Variants in PTGER3 observed in about 807,000 individuals in gnomAD.
PTGER3 encodes the protein prostaglandin E receptor 3.
A neutral mutation model predicts 34.7 loss-of-function variants in PTGER3; 22 were observed. The ratio of observed to expected loss-of-function variants is 0.63; its 90% CI spans 0.45 to 0.91. The LOEUF is 0.91. PTGER3 is among the 40% of genes least tolerant of loss of function. PTGER3 has a pLI of 0.00. For missense variants in PTGER3, 468 were observed against 519.4 expected (o/e 0.90, Z 0.96); for synonymous variants, 241 against 230.1 (o/e 1.05, Z -0.43).
rs144179258 is a variant in PTGER3, at chr1:70,945,964, C to T, written c.*23+7799G>A. Among the ~76,000 whole-genome samples, 371 of 152,158 alleles carry T rather than the reference C, an allele frequency of 2.4e-3. 1 individual carries two copies. Among genetic ancestry groups the T allele is most frequent in the African/African-American group, 8.5e-3 (351 of 41,528 alleles). On this transcript the variant is annotated intron_variant, in intron 4 of 4. Transcript: ENST00000370931. Reference sequence around the variant, plus strand: ...TGCAAAGTTAAATATTTTAAGTGCACAGCTAACATTGGAAAGGGCCTTATG... The same window carrying T: ...TGCAAAGTTAAATATTTTAAGTGCATAGCTAACATTGGAAAGGGCCTTATG...
chr1:71,009,984 T>C, intron 2 of PTGER3: 1 of 985,226 alleles, frequency 1.0e-6, no homozygotes, highest in South Asian at 4.7e-5. Flanking sequence ...GCCTAGATAA[T>C]AAAACTCATA....
intron 4 of PTGER3, chr1:70,884,034 C>A (rs906989404): frequency 5.2e-6 from 2 of 381,624 alleles, no homozygotes; most frequent in African/African-American, 2.2e-5. Flanking sequence ...TTGCAGTGAG[C>A]GGAAATCACT....
At chr1:70,998,789 A>G (rs1205241950) in intron 2 of PTGER3, among the ~76,000 whole-genome samples, 1 of 152,218 alleles carries the variant, frequency 6.6e-6, no homozygotes, top group African/African-American at 2.4e-5. Flanking sequence ...TCAGAAATAA[A>G]TTACTGTTTT....
At chr1:70,900,310 TG>T (rs1316739963) in intron 4 of PTGER3, among the ~76,000 whole-genome samples, 1 of 151,990 alleles carries the variant, frequency 6.6e-6, no homozygotes, top group East Asian at 1.9e-4. Flanking sequence ...TTGTTGGAGT[TG>T]GGGGGAAGGG....
chr1:70,972,153 C>T (rs966528667), intron 3 of PTGER3, among the ~76,000 whole-genome samples: 1 of 151,948 alleles, frequency 6.6e-6, no homozygotes, highest in Non-Finnish European at 1.5e-5. Context: ...TGGTGAAACC[C>T]CATCTCTACT....
At chr1:70,935,898 GA>G (rs1355598256) in intron 4 of PTGER3, among the ~76,000 whole-genome samples, 1 of 151,870 alleles carries the variant, frequency 6.6e-6, no homozygotes, top group African/African-American at 2.4e-5. Context: ...AGTAAGCTGG[GA>G]AAAGGGAATA....
intron 4 of PTGER3, among the ~76,000 whole-genome samples, chr1:70,923,829 T>A (rs533877778): frequency 1.3e-5 from 2 of 152,356 alleles, no homozygotes; most frequent in African/African-American, 4.8e-5. Flanking sequence ...ATTCTTAATT[T>A]ATGGCAACAT....
chr1:70,953,056 TTAAC>T lies in PTGER3; in HGVS notation c.1105-1_1107del, dbSNP rs1172073584. 1.3e-6 allele frequency: 2 copies of T among 1,592,784 alleles called. No homozygotes were observed. The highest frequency in any genetic ancestry group is 1.7e-5 in the Admixed American group (1 of 57,480). On this transcript the variant is annotated splice_acceptor_variant and coding_sequence_variant, in exon 4 of 4. Coordinates refer to the PTGER3 transcript ENST00000356595. LOFTEE classifies it high-confidence loss of function. Reference sequence around the variant, plus strand: ...ATCTGAGAGTTCTGCAAACTGCAGATTAACTAACCACAGATCAAAATATTGAGAA... The same window carrying T: ...ATCTGAGAGTTCTGCAAACTGCAGATTAACCACAGATCAAAATATTGAGAA...
intron 1 of PTGER3, among the ~76,000 whole-genome samples, chr1:71,026,628 T>C (rs1658949790): frequency 1.3e-5 from 2 of 151,154 alleles, no homozygotes; most frequent in African/African-American, 4.8e-5. Context: ...TTATTTGGAT[T>C]AATACTATAT....
chr1:70,969,032 C>T (rs1456191476), downstream of PTGER3, among the ~76,000 whole-genome samples: 2 of 151,962 alleles, frequency 1.3e-5, no homozygotes, highest in Non-Finnish European at 2.9e-5. Flanking sequence ...CATGGTGAAA[C>T]TCCGTCTCTA....
intron 2 of PTGER3, among the ~76,000 whole-genome samples, chr1:70,976,320 C>G (rs1653696196): frequency 6.6e-6 from 1 of 151,952 alleles, no homozygotes; most frequent in African/African-American, 2.4e-5. Context: ...AAGAGTGAAC[C>G]CTAATGTAAA....
chr1:70,985,155 C>T (rs574556394), intron 2 of PTGER3, among the ~76,000 whole-genome samples: 8 of 152,246 alleles, frequency 5.3e-5, no homozygotes, highest in South Asian at 4.1e-4. Flanking sequence ...TTCTCCATTA[C>T]GATGGCCTCA....
In PTGER3 at chr1:70,928,149, ATAGACATATATATT is replaced by A. The variant is rs1648304731; in HGVS notation, c.*23+25600_*23+25613del. On this transcript the variant is annotated intron_variant, in intron 4 of 4. Coordinates refer to the PTGER3 transcript ENST00000370931. Reference sequence around the variant, plus strand: ...TATATATATTTATATATATATATTTATAGACATATATATTTTTATAGACATATATATTTATAGAC... The same window carrying A: ...TATATATATTTATATATATATATTTATTTATAGACATATATATTTATAGAC... 4.2e-5 allele frequency among the ~76,000 whole-genome samples: 6 copies of A among 141,652 alleles called. No homozygotes were observed. In the East Asian group the frequency reaches 6.1e-4, roughly 14 times the overall value. 92.9% of individuals were successfully genotyped at this position (141,652 alleles called of 152,430 possible).
At chr1:70,993,408 C>T (rs1256106782) in intron 2 of PTGER3, among the ~76,000 whole-genome samples, 1 of 152,178 alleles carries the variant, frequency 6.6e-6, no homozygotes, top group East Asian at 1.9e-4. Context: ...AGGAATCATG[C>T]TATACTCATT....
rs1649800906 is a variant in PTGER3 at position 70,941,963 on chromosome 1, A to AT, written c.*23+11799dup. 2.0e-5 allele frequency among the ~76,000 whole-genome samples: 3 copies of AT among 152,262 alleles called. No homozygotes were observed. In the South Asian group the frequency reaches 6.2e-4, roughly 32 times the overall value. On this transcript the variant is annotated intron_variant, in intron 4 of 4. Coordinates refer to the PTGER3 transcript ENST00000370931. Reference sequence around the variant, plus strand: ...TTTATAAGAACCCAAACTCCTTACTATGACTTACAAGACTGTGATGACGAC... The same window carrying AT: ...TTTATAAGAACCCAAACTCCTTACTATTGACTTACAAGACTGTGATGACGAC...
chr1:70,856,750 C>A (rs1645815426), intron 4 of PTGER3, among the ~76,000 whole-genome samples: 1 of 151,872 alleles, frequency 6.6e-6, no homozygotes, highest in African/African-American at 2.4e-5. Context: ...TCTTGGGTAC[C>A]CTTCACTCAC....
intron 2 of PTGER3, among the ~76,000 whole-genome samples, chr1:70,956,040 C>T (rs1484283911): frequency 6.6e-6 from 1 of 152,136 alleles, no homozygotes. Context: ...GTTTGGGCAG[C>T]TATCTCCACC....
At chr1:70,910,810 C>T (rs1255945832) in intron 4 of PTGER3, among the ~76,000 whole-genome samples, 1 of 152,166 alleles carries the variant, frequency 6.6e-6, no homozygotes, top group East Asian at 1.9e-4. Context: ...CCGGCCGGGG[C>T]CATGGCTCAC....
chr1:70,935,672 A>AATATATATATAT (rs10577850), intron 4 of PTGER3, among the ~76,000 whole-genome samples: 1,467 of 140,160 alleles, frequency 0.01, 22 homozygotes, highest in African/African-American at 0.026. Context: ...TACAAATATA[A>AATATATATATAT]ATATATATAT....
Sources: allele counts gnomAD v4.1 joint callset (sites outside exome capture counted in the v4.1 genomes callset), GRCh38; gene constraint gnomAD v4.1.1; transcripts MANE v1.5; gene names NCBI Gene and HGNC (gene_info 2026-07-23, HGNC 2026-07-21).